C2CD3: variants seen among roughly 807,000 people sequenced by gnomAD.
C2CD3 encodes C2 domain containing 3 centriole elongation regulator.
In C2CD3, 148 loss-of-function variants were observed where a neutral mutation model predicts 234.0. The observed-to-expected ratio is 0.63, with a 90% CI of 0.55 to 0.72. C2CD3 has a LOEUF of 0.72. Ranked by LOEUF, C2CD3 falls within the 30% of genes least tolerant of loss-of-function variation. The pLI is 0.00. For missense variants in C2CD3, 2,577 were observed against 2,811.5 expected (o/e 0.92, Z 1.89); for synonymous variants, 1,000 against 1,035.4 (o/e 0.97, Z 0.66).
Position 74,108,914 on chromosome 11 carries a change from C to A in C2CD3, c.1962+120G>T, listed in dbSNP as rs1159622490. On this transcript the variant is annotated intron_variant, in intron 12 of 32. Transcript: ENST00000334126. The stretch of plus-strand genomic sequence containing the variant: ...ATAATAATAATAATAATAATAATAA[C>A]AATGGATTATTAGTACTGCCTGCAC... The A allele has an allele frequency of 8.2e-6, 4 of 485,754 alleles. No individual in the cohort carries two copies. In the African/African-American group the frequency reaches 8.3e-5, roughly 10 times the overall value. 30.1% of individuals were successfully genotyped at this position (485,754 alleles called of 1,614,324 possible). A position where few individuals can be genotyped will look rare whatever the true frequency, so the allele number is the denominator to read the frequency against.
At chr11:74,151,338 G>A (rs1200729975) in intron 3 of C2CD3, among the ~76,000 whole-genome samples, 1 of 119,482 alleles carries the variant, frequency 8.4e-6, no homozygotes, top group Non-Finnish European at 1.7e-5. Context: ...TATTTATTGA[G>A]ACAGGGTCTC....
At chr11:74,152,147 A>G (rs1208887855) in intron 3 of C2CD3, among the ~76,000 whole-genome samples, 2 of 152,190 alleles carry the variant, frequency 1.3e-5, no homozygotes, top group African/African-American at 4.8e-5. Context: ...TAAAATTGTT[A>G]AACTTCTATC....
intron 25 of C2CD3, 99 bp from the exon 26 acceptor site, chr11:74,054,770 C>A (rs1443469463): frequency 1.3e-6 from 1 of 748,836 alleles, no homozygotes; most frequent in African/African-American, 1.8e-5. Context: ...AAAGCACTTT[C>A]CCAACACTAT....
chr11:74,125,661 T>C (rs962224974), intron 7 of C2CD3, among the ~76,000 whole-genome samples: 3 of 152,200 alleles, frequency 2.0e-5, no homozygotes, highest in African/African-American at 4.8e-5. Context: ...AGGGTTAATA[T>C]TGTATCAGAG....
intron 9 of C2CD3, among the ~76,000 whole-genome samples, chr11:74,117,954 A>T (rs1394508510): frequency 2.6e-5 from 4 of 151,816 alleles, no homozygotes; most frequent in African/African-American, 9.7e-5. Flanking sequence ...GTACAGTGTC[A>T]TATTGCTTGG....
At chr11:74,118,764 G>C (rs1268330667) in intron 8 of C2CD3, among the ~76,000 whole-genome samples, 1 of 152,144 alleles carries the variant, frequency 6.6e-6, no homozygotes, top group Non-Finnish European at 1.5e-5. Flanking sequence ...GAAAATCAGA[G>C]CTGAAAAAAG....
In C2CD3 at chr11:74,113,880, T is replaced by C; in HGVS notation, c.1743A>G (p.Val581=). The part of the protein sequence containing the change: ...VTTAKKRTFF[V]EYHFPVGFSE... ...AAAAGCCCACAGGAAAGTGATATTC[T>C]ACAAAGAAAGTGCTAAAAAGAAAAA... is the stretch of plus-strand genomic sequence containing the variant. Residue 581 remains valine (V), a synonymous_variant, in exon 11 of 33, where the codon GTA becomes GTG. Transcript: ENST00000334126. The C allele has an allele frequency of 2.5e-6, 4 of 1,581,750 alleles. No homozygotes were observed. The highest frequency in any genetic ancestry group is 3.4e-6 in the Non-Finnish European group (4 of 1,168,172).
chr11:74,066,677 A>G (rs553456064), intron 24 of C2CD3, among the ~76,000 whole-genome samples: 1 of 152,248 alleles, frequency 6.6e-6, no homozygotes, highest in East Asian at 1.9e-4. Flanking sequence ...AACAGAAAGA[A>G]AACTGTTTTA....
intron 23 of C2CD3, 117 bp from the exon 24 acceptor site, chr11:74,074,717 A>C: frequency 1.3e-6 from 1 of 764,270 alleles, no homozygotes; most frequent in Non-Finnish European, 2.1e-6. Flanking sequence ...ACAAACCCCA[A>C]TACAGCAATT....
chr11:74,042,237 AAAAAAG>A lies in C2CD3; in HGVS notation c.5496-25_5496-20del, dbSNP rs766879313. 1 of 1,590,814 alleles carries A rather than the reference AAAAAAG, an allele frequency of 6.3e-7. No individual in the cohort carries two copies. Among genetic ancestry groups the A allele is most frequent in the African/African-American group, 1.4e-5 (1 of 73,260 alleles). On this transcript the variant is annotated intron_variant, in intron 28 of 32. Transcript: ENST00000334126. ...ATCACTTCTGTCAAAAAAAAAAAAA[AAAAAAG>A]TAGGAGCAAAATAAATTCCCAATCA...
chr11:74,168,208 T>C, intron 2 of C2CD3, 136 bp downstream of exon 2: 1 of 688,344 alleles, frequency 1.5e-6, no homozygotes, highest in Non-Finnish European at 2.4e-6. Context: ...GAAAAATGTC[T>C]ACTATAAAAA....
At chr11:74,144,474 G>A (rs151108647) in intron 3 of C2CD3, among the ~76,000 whole-genome samples, 1,522 of 152,088 alleles carry the variant, frequency 0.01, 20 homozygotes, top group African/African-American at 0.035. Flanking sequence ...TTTTAGGTTC[G>A]GGGTACATGT....
intron 11 of C2CD3, among the ~76,000 whole-genome samples, chr11:74,110,911 A>G (rs1274772627): frequency 1.3e-5 from 2 of 152,218 alleles, no homozygotes; most frequent in African/African-American, 4.8e-5. Flanking sequence ...AAGGCATATG[A>G]TTAGTGTGTG....
At chr11:74,127,596 T>C (rs964408607) in intron 7 of C2CD3, among the ~76,000 whole-genome samples, 2 of 152,120 alleles carry the variant, frequency 1.3e-5, no homozygotes. Flanking sequence ...AGGAGTTGAA[T>C]TGCTGGGTCA....
chr11:74,098,265 G>A lies in C2CD3; in HGVS notation c.2733-10C>T. 6.2e-7 allele frequency: 1 copy of A among 1,611,000 alleles called. No homozygotes were observed. The highest frequency in any genetic ancestry group is 8.5e-7 in the Non-Finnish European group (1 of 1,177,792). On this transcript the variant is annotated splice_polypyrimidine_tract_variant and intron_variant, in intron 15 of 32. Coordinates refer to ENST00000334126, the MANE Select transcript of C2CD3 (RefSeq NM_001286577.2). Reference sequence around the variant, plus strand: ...AGAAATCTTAGCATCTCTAGAGGGGGAGAAATTGTGAATAAGCAAATAACA... The same window carrying A: ...AGAAATCTTAGCATCTCTAGAGGGGAAGAAATTGTGAATAAGCAAATAACA...
chr11:74,135,560 A>G (rs1256333804), intron 5 of C2CD3, among the ~76,000 whole-genome samples: 1 of 152,230 alleles, frequency 6.6e-6, no homozygotes. Context: ...AGAGATGTGA[A>G]GTATGAGAAG....
At chr11:74,109,888 T>C (rs901048213) in intron 11 of C2CD3, among the ~76,000 whole-genome samples, 1 of 151,630 alleles carries the variant, frequency 6.6e-6, no homozygotes, top group African/African-American at 2.4e-5. Flanking sequence ...CTGGCTAACA[T>C]GGTGAAACCC....
chr11:74,150,635 T>G (rs1419940039), intron 3 of C2CD3, among the ~76,000 whole-genome samples: 2 of 151,794 alleles, frequency 1.3e-5, no homozygotes, highest in African/African-American at 4.8e-5. Context: ...TGGCTAATCA[T>G]GTTTCATTTA....
intron 24 of C2CD3, 27 bp downstream of exon 24, chr11:74,074,226 G>A: frequency 6.6e-7 from 1 of 1,507,084 alleles, no homozygotes; most frequent in Non-Finnish European, 9.2e-7. Context: ...AGTTAGACAT[G>A]CTCCTGGGTA....
Sources: allele counts gnomAD v4.1 joint callset (sites outside exome capture counted in the v4.1 genomes callset), GRCh38; gene constraint gnomAD v4.1.1; transcripts MANE v1.5; gene names NCBI Gene and HGNC (gene_info 2026-07-23, HGNC 2026-07-21).